Variants in CCSER1 observed in about 807,000 individuals in gnomAD.
The protein encoded by CCSER1 is coiled-coil serine rich protein 1, also known as serine-rich coiled-coil domain-containing protein 1.
A neutral mutation model predicts 82.0 loss-of-function variants in CCSER1; 41 were observed. The observed-to-expected ratio is 0.50, with a 90% confidence interval of 0.39 to 0.65. The LOEUF is 0.65. Among genes scored for constraint, CCSER1 ranks in the 30% least tolerant of loss-of-function variants. The pLI, the probability that CCSER1 is intolerant of heterozygous loss-of-function variation, is 0.00. For missense variants in CCSER1, 1,119 were observed against 1,064.2 expected (o/e 1.05, Z -0.72); for synonymous variants, 414 against 383.9 (o/e 1.08, Z -0.92).
chr4:91,566,560 T>G (rs1762891640), intron 10 of CCSER1, among the ~76,000 whole-genome samples: 1 of 152,062 alleles, frequency 6.6e-6, no homozygotes. Flanking sequence ...CTGATTCAAT[T>G]TGGGAGCTTT....
At chr4:91,041,199 A>G (rs1741926747) in intron 9 of CCSER1, among the ~76,000 whole-genome samples, 1 of 152,202 alleles carries the variant, frequency 6.6e-6, no homozygotes, top group Non-Finnish European at 1.5e-5. Flanking sequence ...GTGTGGCACC[A>G]TCAGTCATGA....
intron 10 of CCSER1, among the ~76,000 whole-genome samples, chr4:91,145,754 T>C (rs1729473510): frequency 6.6e-6 from 1 of 152,222 alleles, no homozygotes. Context: ...GGATGTTTTT[T>C]CTTTAAGGAT....
chr4:90,514,855 T>A (rs1226185153), intron 5 of CCSER1, among the ~76,000 whole-genome samples: 9 of 152,080 alleles, frequency 5.9e-5, no homozygotes, highest in African/African-American at 2.2e-4. Flanking sequence ...CTATATTACA[T>A]TATTACATAG....
rs192999455 is a variant in CCSER1, at chr4:90,390,050, C to A, written c.1510-9986C>A. Among the ~76,000 whole-genome samples, 7 of 152,152 alleles carry A rather than the reference C, an allele frequency of 4.6e-5. No individual in the cohort carries two copies. The East Asian group carries it at 1.4e-3, about 29-fold the overall frequency. On this transcript the variant is annotated intron_variant, in intron 3 of 10. Transcript: ENST00000509176. ...TATTACCTTGTGTTTACTCTACCGGCATTTGAGAAAAGGGGATACACTCAG... is the reference window on the plus strand; with the variant it reads ...TATTACCTTGTGTTTACTCTACCGGAATTTGAGAAAAGGGGATACACTCAG...
At chr4:91,075,739 CAAAT>C (rs959524585) in intron 9 of CCSER1, among the ~76,000 whole-genome samples, 49 of 152,144 alleles carry the variant, frequency 3.2e-4, no homozygotes, top group African/African-American at 1.0e-3. Flanking sequence ...TAAGTGAACA[CAAAT>C]AAAGGTGTTT....
intron 3 of CCSER1, among the ~76,000 whole-genome samples, chr4:90,386,346 C>T (rs1578214328): frequency 1.3e-5 from 2 of 152,114 alleles, no homozygotes; most frequent in South Asian, 4.1e-4. Context: ...GAAATAAAGC[C>T]AATATCTATA....
chr4:90,964,007 A>G (rs1734297350), intron 9 of CCSER1, among the ~76,000 whole-genome samples: 2 of 152,196 alleles, frequency 1.3e-5, no homozygotes, highest in Admixed American at 1.3e-4. Context: ...GCAGTTCATT[A>G]TTAGAAACCA....
At chr4:90,335,897 C>T (rs942300849) in intron 3 of CCSER1, among the ~76,000 whole-genome samples, 16 of 152,286 alleles carry the variant, frequency 1.1e-4, no homozygotes, top group African/African-American at 2.6e-4. Flanking sequence ...GGATTACAGG[C>T]GTGAGCCATC....
At chr4:90,605,033 C>T (rs1024911505) in intron 5 of CCSER1, among the ~76,000 whole-genome samples, 1 of 152,176 alleles carries the variant, frequency 6.6e-6, no homozygotes, top group Non-Finnish European at 1.5e-5. Context: ...TGTTCTTTGG[C>T]TGTTGGCAGT....
intron 6 of CCSER1, among the ~76,000 whole-genome samples, chr4:90,694,645 A>C (rs1258946222): frequency 6.6e-6 from 1 of 152,056 alleles, no homozygotes; most frequent in African/African-American, 2.4e-5. Context: ...TTTCCTCAAG[A>C]AAATTTCCAG....
At chr4:90,982,709 C>G (rs1451503876) in intron 9 of CCSER1, among the ~76,000 whole-genome samples, 2 of 151,734 alleles carry the variant, frequency 1.3e-5, no homozygotes, top group African/African-American at 4.8e-5. Flanking sequence ...AAACTCCTAT[C>G]ATGAAGGGAA....
chr4:90,840,717 G>A (rs547631912), intron 8 of CCSER1, among the ~76,000 whole-genome samples: 1 of 151,972 alleles, frequency 6.6e-6, no homozygotes, highest in South Asian at 2.1e-4. Context: ...GCAGCAAGAA[G>A]CACCCTCATC....
chr4:91,151,418 C>T (rs1192555243), intron 10 of CCSER1, among the ~76,000 whole-genome samples: 21 of 152,030 alleles, frequency 1.4e-4, no homozygotes, highest in Non-Finnish European at 4.4e-5. Context: ...TTCAAAAAAC[C>T]AGCTCCTGGA....
In CCSER1 at chr4:90,691,675, A is replaced by G. The variant is rs555503316; in HGVS notation, c.1933-32239A>G. Among the ~76,000 whole-genome samples the G allele has an allele frequency of 3.2e-4, 45 of 142,728 alleles. 1 individual carries two copies. The South Asian group carries it at 4.9e-3, about 16-fold the overall frequency. 93.6% of individuals were successfully genotyped at this position (142,728 alleles called of 152,430 possible). On this transcript the variant is annotated intron_variant, in intron 6 of 10. Transcript: ENST00000509176. ...TACACACATGCATATGTACGTGTGT[A>G]TCTATGTGTATATATATACACACAT...
chr4:90,414,326 T>C (rs1442403454), intron 4 of CCSER1, among the ~76,000 whole-genome samples: 2 of 151,936 alleles, frequency 1.3e-5, no homozygotes, highest in African/African-American at 4.8e-5. Context: ...TTATATTTTC[T>C]TGAGTTTCTG....
chr4:90,214,106 T>C (rs1740560474), intron 1 of CCSER1, among the ~76,000 whole-genome samples: 1 of 152,104 alleles, frequency 6.6e-6, no homozygotes, highest in Non-Finnish European at 1.5e-5. Flanking sequence ...AGGAATGCAA[T>C]TTCTGGAATG....
At chr4:91,496,681 G>C (rs1367240428) in intron 10 of CCSER1, among the ~76,000 whole-genome samples, 2 of 12,992 alleles carry the variant, frequency 1.5e-4, no homozygotes, top group Non-Finnish European at 4.3e-4. Context: ...CAATATATTT[G>C]AATATATATA....
At chr4:90,445,090 A>G (rs1046072472) in intron 4 of CCSER1, among the ~76,000 whole-genome samples, 8 of 152,032 alleles carry the variant, frequency 5.3e-5, no homozygotes, top group Non-Finnish European at 8.8e-5. Context: ...TAGAAAAAGC[A>G]TTAGAAAGAC....
chr4:90,466,530 T>C (rs970097756), intron 4 of CCSER1, among the ~76,000 whole-genome samples: 24 of 152,256 alleles, frequency 1.6e-4, no homozygotes, highest in Non-Finnish European at 1.2e-4. Context: ...TACCTTGATT[T>C]TGGCCTTGTA....
Sources: gnomAD v4.1 joint callset for allele counts (sites outside exome capture counted in the v4.1 genomes callset) on GRCh38, gnomAD v4.1.1 for gene constraint, MANE v1.5 for transcripts, NCBI Gene and HGNC (gene_info 2026-07-23, HGNC 2026-07-21) for gene names.